Variants in SMG1 observed in about 807,000 individuals in gnomAD.
The protein encoded by SMG1 is SMG1 nonsense mediated mRNA decay associated PI3K related kinase.
Under a neutral mutation model 419.9 loss-of-function variants are expected in SMG1, and 22 were observed. That is an observed-to-expected ratio of 0.05 (90% CI 0.04 to 0.07). SMG1 has a LOEUF of 0.07. SMG1 is among the 10% of genes least tolerant of loss of function. The probability of loss-of-function intolerance (pLI) is 1.00; values close to 1 mark genes in which losing one functional copy is unlikely to be tolerated. For synonymous variants in SMG1, 1,538 were observed against 1,553.5 expected, an observed-to-expected ratio of 0.99 and a Z score of 0.23; for missense variants, 3,185 against 4,342.0, an observed-to-expected ratio of 0.73 and a Z score of 7.49.
chr16:18,899,053 G>A lies in SMG1; in HGVS notation c.93-2097C>T, dbSNP rs564750892. On this transcript the variant is annotated intron_variant, in intron 1 of 62. Transcript: ENST00000446231. Reference sequence around the variant, plus strand: ...AAGAAACGCTTAGTTTGCAGGGTATGTTAAAAGTTATTATGACCATAATAC... The same window carrying A: ...AAGAAACGCTTAGTTTGCAGGGTATATTAAAAGTTATTATGACCATAATAC... Among the ~76,000 whole-genome samples the A allele has an allele frequency of 1.2e-4, 19 of 152,272 alleles. No individual in the cohort carries two copies. In the South Asian group the frequency reaches 2.5e-3, roughly 20 times the overall value.
chr16:18,916,071 AAAAAAAAAAAAAAAAAAACCAG>A (rs1270367962), intron 1 of SMG1, among the ~76,000 whole-genome samples: 4 of 118,640 alleles, frequency 3.4e-5, no homozygotes, highest in South Asian at 2.6e-4. Flanking sequence ...CTTCGTCTCA[AAAAAAAAAAAAAAAAAAACCAG>A]AAAAAAAAAA....
intron 30 of SMG1, among the ~76,000 whole-genome samples, chr16:18,854,082 C>CT (rs11448105): frequency 0.56 from 46,836 of 84,050 alleles, 14,488 homozygotes; most frequent in East Asian, 0.64. Context: ...AAATACTAAA[C>CT]TTTTTTTTTT....
intron 33 of SMG1, among the ~76,000 whole-genome samples, chr16:18,851,401 ACACACACG>A (rs932756912): frequency 1.6e-4 from 24 of 150,388 alleles, no homozygotes; most frequent in African/African-American, 5.3e-4. Flanking sequence ...ATACACACAC[ACACACACG>A]CGCACGCGCA....
chr16:18,888,643 T>C (rs1011888011), intron 6 of SMG1, among the ~76,000 whole-genome samples: 1 of 151,228 alleles, frequency 6.6e-6, no homozygotes, highest in African/African-American at 2.4e-5. Context: ...AATTTTTGTA[T>C]TGTTAGTAGA....
chr16:18,850,254 T>G lies in SMG1; in HGVS notation c.5266A>C (p.Lys1756Gln). ...CTACATACTTGACCAGCGTTGAGTT[T>G]AAGGAAAGTAAAGTATGCACTGCAA... ...LSCSAYFTFL[K>Q]LNAGQIPLDE... is the part of the protein sequence containing the mutation. The change falls in exon 34 of 63, where the codon AAA becomes CAA. Residue 1756 changes from lysine (K) to glutamine (Q), a missense_variant. By Grantham distance (53) the Lys-to-Gln change is moderately conservative. Transcript: ENST00000446231. 1 of 1,611,130 alleles carries G rather than the reference T, an allele frequency of 6.2e-7. No individual in the cohort carries two copies. The highest frequency in any genetic ancestry group is 8.5e-7 in the Non-Finnish European group (1 of 1,178,168).
Position 18,817,277 on chromosome 16 carries a change from C to T in SMG1, c.10074+14G>A. 6.3e-7 allele frequency: 1 copy of T among 1,587,084 alleles called. No individual in the cohort carries two copies. Among genetic ancestry groups the T allele is most frequent in the Non-Finnish European group, 8.6e-7 (1 of 1,169,416 alleles). ...TAGCCTTATTTAATCAAGTTTCTTTCCACCAAGACTCACCACTCTCTGTAA... is the reference window on the plus strand; with the variant it reads ...TAGCCTTATTTAATCAAGTTTCTTTTCACCAAGACTCACCACTCTCTGTAA... On this transcript the variant is annotated intron_variant, in intron 57 of 62. Coordinates refer to ENST00000446231, the MANE Select transcript of SMG1 (RefSeq NM_015092.5).
At chr16:18,831,432 G>A (rs1381513089) in intron 51 of SMG1, among the ~76,000 whole-genome samples, 1 of 152,086 alleles carries the variant, frequency 6.6e-6, no homozygotes, top group Admixed American at 6.6e-5. Context: ...TCCTCTGTAT[G>A]AGGATAAGGG....
At chr16:18,864,959 T>C (rs2035422306) in intron 23 of SMG1, among the ~76,000 whole-genome samples, 1 of 152,158 alleles carries the variant, frequency 6.6e-6, no homozygotes, top group South Asian at 2.1e-4. Flanking sequence ...TAAGACAGTA[T>C]AAAAGAACTA....
chr16:18,872,389 A>G (rs766108051), intron 14 of SMG1, 44 bp from the exon 15 acceptor site: 1 of 1,510,764 alleles, frequency 6.6e-7, no homozygotes, highest in South Asian at 1.3e-5. Context: ...TTAATCAAAG[A>G]AAGCAAGCAA....
chr16:18,845,375 C>A, intron 39 of SMG1, 54 bp downstream of exon 39: 1 of 1,470,356 alleles, frequency 6.8e-7, no homozygotes, highest in African/African-American at 1.4e-5. Context: ...AATTTCGTAT[C>A]TCATGGGAAC....
At chr16:18,914,341 C>T (rs12930828) in intron 1 of SMG1, among the ~76,000 whole-genome samples, 46,669 of 151,670 alleles carry the variant, frequency 0.31, 7,999 homozygotes, top group Non-Finnish European at 0.39. Flanking sequence ...TGAAAAGGTC[C>T]GAAAATTAAT....
chr16:18,861,994 A>C (rs2035244078), intron 25 of SMG1, among the ~76,000 whole-genome samples: 1 of 152,092 alleles, frequency 6.6e-6, no homozygotes. Flanking sequence ...GGCCAAAAGA[A>C]CATAATCTCT....
intron 36 of SMG1, 74 bp downstream of exon 36, chr16:18,849,143 A>C (rs926243279): frequency 9.9e-6 from 10 of 1,009,262 alleles, no homozygotes; most frequent in Non-Finnish European, 1.4e-5. Context: ...CATAAAGCTT[A>C]AAAACTTTGA....
chr16:18,846,511 T>C (rs778950025), intron 38 of SMG1, among the ~76,000 whole-genome samples: 18 of 151,946 alleles, frequency 1.2e-4, no homozygotes, highest in Admixed American at 5.9e-4. Flanking sequence ...CATAGAGAAC[T>C]CCTACAATTC....
intron 29 of SMG1, chr16:18,857,331 T>C (rs547680566): frequency 2.0e-5 from 3 of 152,372 alleles, no homozygotes; most frequent in East Asian, 3.9e-4. Context: ...TAAATATTTA[T>C]ACAAATAGTA....
intron 26 of SMG1, among the ~76,000 whole-genome samples, chr16:18,860,043 C>A (rs887265655): frequency 6.6e-6 from 1 of 152,078 alleles, no homozygotes; most frequent in African/African-American, 2.4e-5. Context: ...ATGGTGAAAC[C>A]CCGTCTCTAC....
At chr16:18,834,849 A>G (rs1220250950) in intron 49 of SMG1, 43 bp downstream of exon 49, 1 of 1,584,454 alleles carries the variant, frequency 6.3e-7, no homozygotes, top group Non-Finnish European at 8.6e-7. Flanking sequence ...GGGATTAAAA[A>G]TAAGACACAG....
intron 3 of SMG1, among the ~76,000 whole-genome samples, chr16:18,894,292 A>T (rs953958856): frequency 6.6e-6 from 1 of 152,102 alleles, no homozygotes; most frequent in Admixed American, 6.6e-5. Flanking sequence ...AAAAAAAAAG[A>T]AACTACAATG....
chr16:18,808,696 T>C lies in SMG1; in HGVS notation c.*873A>G, dbSNP rs1596446751. ...AATGCACAGTGACAATTCTGGAAAC[T>C]GTACATGATAGAATCACAGAAATGA... On this transcript the variant is annotated 3_prime_UTR_variant, in exon 63 of 63. Coordinates refer to ENST00000446231, the MANE Select transcript of SMG1 (RefSeq NM_015092.5). 6.6e-6 allele frequency: 1 copy of C among 152,654 alleles called. No individual in the cohort carries two copies. Among genetic ancestry groups the C allele is most frequent in the African/African-American group, 2.4e-5 (1 of 41,452 alleles). 9.5% of individuals were successfully genotyped at this position (152,654 alleles called of 1,614,324 possible). A position where few individuals can be genotyped will look rare whatever the true frequency, so the allele number is the denominator to read the frequency against.
Sources: allele counts gnomAD v4.1 joint callset (sites outside exome capture counted in the v4.1 genomes callset), GRCh38; gene constraint gnomAD v4.1.1; transcripts MANE v1.5; gene names NCBI Gene and HGNC (gene_info 2026-07-23, HGNC 2026-07-21).